The following CDH12 variants were observed in gnomAD, a reference collection of about 807,000 sequenced individuals.
CDH12 encodes cadherin 12, also known as cadherin-12.
CDH12 carries 41 observed loss-of-function variants against 74.1 expected under a neutral mutation model. The ratio of observed to expected loss-of-function variants is 0.55; its 90% CI spans 0.43 to 0.72. The LOEUF is 0.72. Among genes scored for constraint, CDH12 ranks in the 30% least tolerant of loss-of-function variants. The pLI, the probability that CDH12 is intolerant of heterozygous loss-of-function variation, is 0.00. For missense variants in CDH12, 945 were observed against 977.2 expected (o/e 0.97, Z 0.44); for synonymous variants, 399 against 355.0 (o/e 1.12, Z -1.39).
chr5:22,406,978 T>C (rs1311512870), intron 2 of CDH12, among the ~76,000 whole-genome samples: 5 of 151,810 alleles, frequency 3.3e-5, no homozygotes, highest in Non-Finnish European at 5.9e-5. Flanking sequence ...ATCAAATACA[T>C]TATTTTATTT....
chr5:22,406,121 T>C (rs1580614441), intron 2 of CDH12, among the ~76,000 whole-genome samples: 1 of 152,180 alleles, frequency 6.6e-6, no homozygotes, highest in African/African-American at 2.4e-5. Context: ...ATACAGAGGA[T>C]AGATTGTATT....
intron 3 of CDH12, among the ~76,000 whole-genome samples, chr5:22,285,394 A>G (rs1402164411): frequency 1.3e-5 from 2 of 152,172 alleles, no homozygotes; most frequent in Non-Finnish European, 2.9e-5. Flanking sequence ...GTGTCTAGAC[A>G]TGGATAGACA....
chr5:22,260,156 C>T (rs1444486262), intron 3 of CDH12, among the ~76,000 whole-genome samples: 1 of 151,986 alleles, frequency 6.6e-6, no homozygotes, highest in Non-Finnish European at 1.5e-5. Flanking sequence ...TCTTATAATT[C>T]CATGCTAATT....
At chr5:21,972,747 G>A (rs1276034556) in intron 6 of CDH12, among the ~76,000 whole-genome samples, 1 of 152,056 alleles carries the variant, frequency 6.6e-6, no homozygotes, top group East Asian at 1.9e-4. Flanking sequence ...GTAATGCATA[G>A]AGGTTTATTT....
intron 1 of CDH12, among the ~76,000 whole-genome samples, chr5:22,828,482 T>C (rs2126493711): frequency 6.6e-6 from 1 of 152,340 alleles, no homozygotes; most frequent in East Asian, 1.9e-4. Flanking sequence ...GTTATATACA[T>C]ACTTCTGGTT....
chr5:21,912,110 T>G (rs1441327138), intron 6 of CDH12, among the ~76,000 whole-genome samples: 1 of 152,158 alleles, frequency 6.6e-6, no homozygotes, highest in African/African-American at 2.4e-5. Context: ...CTAATAGTTT[T>G]TAAAATTAGT....
At chr5:22,103,653 G>A (rs1744272539) in intron 4 of CDH12, among the ~76,000 whole-genome samples, 1 of 152,152 alleles carries the variant, frequency 6.6e-6, no homozygotes, top group African/African-American at 2.4e-5. Context: ...GATTAATACA[G>A]CTCATGAAGA....
rs142988320 is a variant in CDH12 at position 21,858,039 on chromosome 5, G to T, written c.527-3249C>A. Among the ~76,000 whole-genome samples the T allele has an allele frequency of 5.7e-4, 86 of 150,898 alleles. 1 individual carries two copies. The East Asian group carries it at 0.017, about 29-fold the overall frequency. On this transcript the variant is annotated intron_variant, in intron 6 of 14. Transcript: ENST00000382254. ...TGTATCTCCCTTTTTTTTTTAATAA[G>T]GTCACCACTTCTATTGGATTAGGAC...
intron 1 of CDH12, among the ~76,000 whole-genome samples, chr5:22,777,144 C>T (rs1747144648): frequency 6.6e-6 from 1 of 151,780 alleles, no homozygotes; most frequent in South Asian, 2.1e-4. Context: ...CACTACTCCC[C>T]AAAACAGAAA....
chr5:22,650,989 T>C (rs550240388), intron 1 of CDH12, among the ~76,000 whole-genome samples: 1 of 152,182 alleles, frequency 6.6e-6, no homozygotes, highest in East Asian at 1.9e-4. Flanking sequence ...ATATTAGTAG[T>C]TAGTGTATTT....
At chr5:22,772,507 A>G (rs913295563) in intron 1 of CDH12, among the ~76,000 whole-genome samples, 3 of 152,078 alleles carry the variant, frequency 2.0e-5, no homozygotes, top group African/African-American at 7.2e-5. Context: ...CACTCATTTC[A>G]CCGAGGAATA....
chr5:22,479,500 C>T (rs1746300190), intron 2 of CDH12, among the ~76,000 whole-genome samples: 2 of 152,252 alleles, frequency 1.3e-5, no homozygotes, highest in East Asian at 3.9e-4. Context: ...AGGGATATGG[C>T]CTTTCTGAGG....
At chr5:22,050,329 A>C (rs978982928) in intron 5 of CDH12, among the ~76,000 whole-genome samples, 1 of 152,088 alleles carries the variant, frequency 6.6e-6, no homozygotes, top group Non-Finnish European at 1.5e-5. Context: ...GCACATCTGC[A>C]ATCTAAGTTT....
At chr5:22,397,541 A>G (rs989591314) in intron 3 of CDH12, among the ~76,000 whole-genome samples, 2 of 151,896 alleles carry the variant, frequency 1.3e-5, no homozygotes, top group African/African-American at 4.8e-5. Flanking sequence ...GTCCAGCAGC[A>G]GATGGCAAGG....
chr5:22,385,166 T>C, intron 3 of CDH12, among the ~76,000 whole-genome samples: 1 of 152,186 alleles, frequency 6.6e-6, no homozygotes, highest in Admixed American at 6.5e-5. Context: ...ACTGTGATTC[T>C]TTAGATACTT....
intron 1 of CDH12, among the ~76,000 whole-genome samples, chr5:22,830,787 T>C (rs1736569154): frequency 6.6e-6 from 1 of 151,678 alleles, no homozygotes; most frequent in Admixed American, 6.6e-5. Flanking sequence ...TTTAATATAT[T>C]CCATTAGAGA....
intron 2 of CDH12, among the ~76,000 whole-genome samples, chr5:22,483,087 G>T (rs1343521198): frequency 6.6e-6 from 1 of 152,044 alleles, no homozygotes; most frequent in Non-Finnish European, 1.5e-5. Flanking sequence ...TTACTTTGAA[G>T]ATATACAGAT....
At chr5:22,274,289 ATTGT>A (rs1736526200) in intron 3 of CDH12, among the ~76,000 whole-genome samples, 1 of 152,140 alleles carries the variant, frequency 6.6e-6, no homozygotes, top group Non-Finnish European at 1.5e-5. Context: ...TTCTAAGACA[ATTGT>A]AAAAATACAA....
At chr5:21,843,711 C>T (rs903455610) in intron 7 of CDH12, among the ~76,000 whole-genome samples, 9 of 152,012 alleles carry the variant, frequency 5.9e-5, no homozygotes, top group African/African-American at 2.2e-4. Flanking sequence ...TGGGGTGACA[C>T]CTTTTTAATC....
Sources: allele counts gnomAD v4.1 joint callset (sites outside exome capture counted in the v4.1 genomes callset), GRCh38; gene constraint gnomAD v4.1.1; transcripts MANE v1.5; gene names NCBI Gene and HGNC (gene_info 2026-07-23, HGNC 2026-07-21).